Variants in MIPOL1 observed in about 807,000 individuals in gnomAD.
MIPOL1 encodes the protein mirror-image polydactyly gene 1 protein.
MIPOL1 carries 57 observed loss-of-function variants against 60.9 expected under a neutral mutation model. That is an observed-to-expected ratio of 0.94 (90% CI 0.76 to 1.17). The LOEUF (loss-of-function observed/expected upper bound fraction) is 1.17. Among genes scored for constraint, MIPOL1 ranks in the 50% most tolerant of loss-of-function variants. MIPOL1 has a pLI of 0.00. For missense variants in MIPOL1, 551 were observed against 511.6 expected, an observed-to-expected ratio of 1.08 and a Z score of -0.74; for synonymous variants, 179 against 168.8, an observed-to-expected ratio of 1.06 and a Z score of -0.47.
intron 9 of MIPOL1, among the ~76,000 whole-genome samples, chr14:37,343,386 C>A (rs1277532766): frequency 6.6e-6 from 1 of 152,098 alleles, no homozygotes; most frequent in Admixed American, 6.5e-5. Context: ...AAAAACTCTT[C>A]TAAATGAAAA....
At chr14:37,201,125 A>G (rs1014345553) in intron 1 of MIPOL1, among the ~76,000 whole-genome samples, 7 of 151,754 alleles carry the variant, frequency 4.6e-5, no homozygotes, top group African/African-American at 1.5e-4. Flanking sequence ...GGCTGGTTTT[A>G]AACTCCTGAG....
chr14:37,422,792 TG>T, intron 10 of MIPOL1, 62 bp from the exon 11 acceptor site: 2 of 1,054,572 alleles, frequency 1.9e-6, no homozygotes, highest in Non-Finnish European at 2.8e-6. Context: ...GTTCTTACCG[TG>T]GTACTGTATT....
At position 37,483,910 on chromosome 14, in the gene MIPOL1, A is replaced by G. The variant is rs577262412; in HGVS notation, c.1032-15998A>G. 7.2e-5 allele frequency among the ~76,000 whole-genome samples: 11 copies of G among 152,302 alleles called. No homozygotes were observed. In the East Asian group the frequency reaches 2.1e-3, roughly 29 times the overall value. ...CTCAGTTTTCCAAAGTGCTGACTTCACAGGTGTGAGCCGCCACAACTGTCC... is the reference window on the plus strand; with the variant it reads ...CTCAGTTTTCCAAAGTGCTGACTTCGCAGGTGTGAGCCGCCACAACTGTCC... On this transcript the variant is annotated intron_variant, in intron 11 of 12. Coordinates refer to ENST00000684589, the MANE Select transcript of MIPOL1 (RefSeq NM_001388067.1).
chr14:37,358,519 C>G (rs988394847), intron 9 of MIPOL1, among the ~76,000 whole-genome samples: 10 of 152,272 alleles, frequency 6.6e-5, no homozygotes, highest in African/African-American at 1.4e-4. Context: ...ACTTTTTAAT[C>G]ATTGCCATTC....
intron 10 of MIPOL1, among the ~76,000 whole-genome samples, chr14:37,380,274 C>T (rs776341744): frequency 1.3e-5 from 2 of 152,024 alleles, no homozygotes; most frequent in Non-Finnish European, 2.9e-5. Flanking sequence ...GTTCCCTTGC[C>T]AGCCTTTGTT....
intron 11 of MIPOL1, among the ~76,000 whole-genome samples, chr14:37,428,677 T>TG (rs1351805017): frequency 1.3e-5 from 2 of 150,610 alleles, no homozygotes; most frequent in Non-Finnish European, 3.0e-5. Flanking sequence ...TTTTTTTTTT[T>TG]TCTGGTTTAG....
intron 11 of MIPOL1, among the ~76,000 whole-genome samples, chr14:37,444,378 G>A (rs556669286): frequency 1.3e-5 from 2 of 152,088 alleles, no homozygotes; most frequent in East Asian, 1.9e-4. Flanking sequence ...AATTATGGAA[G>A]ACCCATGTAA....
intron 11 of MIPOL1, among the ~76,000 whole-genome samples, chr14:37,453,788 C>G (rs1451485424): frequency 2.0e-5 from 3 of 152,166 alleles, no homozygotes; most frequent in African/African-American, 7.2e-5. Context: ...ACCAAAGCAT[C>G]CTAATCAAAA....
At chr14:37,283,221 A>C (rs1252705649) in intron 6 of MIPOL1, among the ~76,000 whole-genome samples, 1 of 152,078 alleles carries the variant, frequency 6.6e-6, no homozygotes, top group Non-Finnish European at 1.5e-5. Flanking sequence ...GCCCGCCACC[A>C]CATCCAGCTA....
intron 3 of MIPOL1, among the ~76,000 whole-genome samples, chr14:37,262,680 G>A (rs1011637991): frequency 2.0e-5 from 3 of 152,020 alleles, no homozygotes; most frequent in Non-Finnish European, 2.9e-5. Context: ...ATCTTAAGAG[G>A]CAGGCGATCC....
At chr14:37,498,755 T>G (rs1288120011) in intron 11 of MIPOL1, among the ~76,000 whole-genome samples, 3 of 152,188 alleles carry the variant, frequency 2.0e-5, no homozygotes, top group Non-Finnish European at 2.9e-5. Flanking sequence ...TCATTTGGTA[T>G]GCTGACTGTC....
intron 9 of MIPOL1, among the ~76,000 whole-genome samples, chr14:37,309,836 G>A (rs867285605): frequency 4.0e-5 from 6 of 151,784 alleles, no homozygotes; most frequent in South Asian, 2.1e-4. Context: ...ACAGGTGTGC[G>A]CCACCAAGCC....
chr14:37,322,188 T>C (rs2088650114), intron 9 of MIPOL1, among the ~76,000 whole-genome samples: 2 of 151,996 alleles, frequency 1.3e-5, no homozygotes, highest in Admixed American at 1.3e-4. Flanking sequence ...AGTTATTTTG[T>C]TTTTATTTAA....
intron 1 of MIPOL1, chr14:37,227,966 T>C (rs1466833223): frequency 6.6e-6 from 1 of 152,214 alleles, no homozygotes; most frequent in African/African-American, 2.4e-5. Context: ...GCTATGGTTA[T>C]AATCCAACTA....
rs191237432 is a variant in MIPOL1, at chr14:37,396,625, G to C, written c.937-26230G>C. On this transcript the variant is annotated intron_variant, in intron 10 of 12. Coordinates refer to ENST00000684589, the MANE Select transcript of MIPOL1 (RefSeq NM_001388067.1). Reference sequence around the variant, plus strand: ...GGCACACCAGTTATTCTTAGGTTTGGTCATTTAACATAATCCCAGCCTTCC... The same window carrying C: ...GGCACACCAGTTATTCTTAGGTTTGCTCATTTAACATAATCCCAGCCTTCC... 1.7e-3 allele frequency among the ~76,000 whole-genome samples: 254 copies of C among 152,036 alleles called. 1 individual carries two copies. The highest frequency in any genetic ancestry group is 5.8e-3 in the African/African-American group (239 of 41,480).
intron 6 of MIPOL1, among the ~76,000 whole-genome samples, chr14:37,274,862 T>C (rs1402020247): frequency 6.6e-6 from 1 of 151,296 alleles, no homozygotes; most frequent in African/African-American, 2.4e-5. Context: ...GACTTCTTCA[T>C]CTAATAGAGG....
At chr14:37,507,720 T>C (rs566785125) in intron 12 of MIPOL1, 3 of 152,278 alleles carry the variant, frequency 2.0e-5, no homozygotes, top group Middle Eastern at 3.4e-3. Context: ...AACCTGCACA[T>C]TGTGCACATG....
Position 37,369,532 on chromosome 14 carries a change from C to A in MIPOL1, c.844C>A (p.Gln282Lys). 6.2e-7 allele frequency: 1 copy of A among 1,612,588 alleles called. No homozygotes were observed. Among genetic ancestry groups the A allele is most frequent in the Non-Finnish European group, 8.5e-7 (1 of 1,179,038 alleles). ...AALSKCKRLE[Q>K]ELHHVKEQNQ... ...CCTGTGGCAGTGCAAACGGTTAGAG[C>A]AGGAGCTTCATCATGTGAAAGAGCA... Residue 282 changes from glutamine to lysine, a missense_variant, in exon 10 of 13, where the codon CAG (glutamine) becomes AAG (lysine). Gln to Lys is a moderately conservative substitution (Grantham distance 53). Transcript: ENST00000684589.
At chr14:37,327,113 G>A (rs532583471) in intron 9 of MIPOL1, among the ~76,000 whole-genome samples, 31 of 152,100 alleles carry the variant, frequency 2.0e-4, no homozygotes, top group African/African-American at 6.5e-4. Context: ...AGAAGTTTAT[G>A]CTTAATCCCT....
Sources: gnomAD v4.1 joint callset for allele counts (sites outside exome capture counted in the v4.1 genomes callset) on GRCh38, gnomAD v4.1.1 for gene constraint, MANE v1.5 for transcripts, NCBI Gene and HGNC (gene_info 2026-07-23, HGNC 2026-07-21) for gene names.